The following ASTN2 variants were observed in gnomAD, a reference collection of about 807,000 sequenced individuals.
ASTN2 encodes astrotactin 2.
In ASTN2, 54 loss-of-function variants were observed where a neutral mutation model predicts 139.8. That is an observed-to-expected ratio of 0.39 (90% CI 0.31 to 0.48). The LOEUF is 0.48. Ranked by LOEUF, ASTN2 falls within the 20% of genes least tolerant of loss-of-function variation. ASTN2 has a pLI of 0.95. For synonymous variants in ASTN2, 756 were observed against 719.5 expected (o/e 1.05, Z -0.81); for missense variants, 1,565 against 1,725.1 (o/e 0.91, Z 1.64).
chr9:117,183,496 CG>C (rs1212125198), intron 3 of ASTN2, among the ~76,000 whole-genome samples: 3 of 152,156 alleles, frequency 2.0e-5, no homozygotes, highest in African/African-American at 7.2e-5. Flanking sequence ...TACAACAACT[CG>C]GGTATCCACA....
chr9:117,074,870 C>T (rs1241911887), intron 5 of ASTN2, among the ~76,000 whole-genome samples: 1 of 151,956 alleles, frequency 6.6e-6, no homozygotes, highest in East Asian at 1.9e-4. Context: ...TTTCCATTTC[C>T]TAAGTGAAGA....
chr9:116,945,192 C>T (rs1328935386), intron 10 of ASTN2, among the ~76,000 whole-genome samples: 1 of 152,142 alleles, frequency 6.6e-6, no homozygotes, highest in Non-Finnish European at 1.5e-5. Flanking sequence ...GTGAACTTTT[C>T]CAGAAGACCT....
chr9:116,671,904 G>A (rs1272558794), intron 16 of ASTN2, among the ~76,000 whole-genome samples: 3 of 152,120 alleles, frequency 2.0e-5, no homozygotes, highest in Non-Finnish European at 4.4e-5. Context: ...CTTGATTGCA[G>A]TTTTGTAAGA....
At chr9:116,627,664 C>T (rs548781879) in intron 17 of ASTN2, among the ~76,000 whole-genome samples, 1 of 152,282 alleles carries the variant, frequency 6.6e-6, no homozygotes, top group Non-Finnish European at 1.5e-5. Context: ...ATAGCCTGTT[C>T]AAGGTCACTC....
At chr9:116,491,423 T>C (rs1160897780) in intron 19 of ASTN2, among the ~76,000 whole-genome samples, 1 of 152,166 alleles carries the variant, frequency 6.6e-6, no homozygotes, top group Non-Finnish European at 1.5e-5. Context: ...TAGAGAAAGT[T>C]TGAAAATGAT....
At chr9:116,528,419 G>C (rs530700067) in intron 19 of ASTN2, among the ~76,000 whole-genome samples, 5 of 152,152 alleles carry the variant, frequency 3.3e-5, no homozygotes, top group African/African-American at 1.2e-4. Flanking sequence ...TTTTGAAAGT[G>C]TACAGTCATA....
At chr9:116,976,837 G>A (rs752128296) in intron 7 of ASTN2, 52 bp from the exon 8 acceptor site, 1 of 1,534,104 alleles carries the variant, frequency 6.5e-7, no homozygotes, top group Non-Finnish European at 9.0e-7. Flanking sequence ...CCCCAAATAG[G>A]CTTTTCTCTG....
chr9:116,987,478 C>T (rs561746197), intron 7 of ASTN2, among the ~76,000 whole-genome samples: 43 of 152,298 alleles, frequency 2.8e-4, no homozygotes, highest in African/African-American at 8.7e-4. Flanking sequence ...TCCTGATCTG[C>T]CATGTGAAGA....
At chr9:117,188,855 C>T (rs1354359664) in intron 3 of ASTN2, among the ~76,000 whole-genome samples, 8 of 152,084 alleles carry the variant, frequency 5.3e-5, no homozygotes, top group African/African-American at 1.4e-4. Flanking sequence ...GCCAGGTACC[C>T]GTGGGAATTA....
chr9:117,133,519 A>T (rs2184242), intron 4 of ASTN2, among the ~76,000 whole-genome samples: 2 of 152,302 alleles, frequency 1.3e-5, no homozygotes, highest in South Asian at 2.1e-4. Flanking sequence ...AGCCAGTTTG[A>T]TTAATTGTCC....
At chr9:116,909,982 C>T (rs1834267060) in intron 10 of ASTN2, among the ~76,000 whole-genome samples, 1 of 151,958 alleles carries the variant, frequency 6.6e-6, no homozygotes, top group Non-Finnish European at 1.5e-5. Flanking sequence ...AGAAAGAAGG[C>T]AAGGAATTGA....
intron 1 of ASTN2, among the ~76,000 whole-genome samples, chr9:117,370,474 G>C (rs140093377): frequency 9.9e-5 from 15 of 152,226 alleles, no homozygotes; most frequent in Admixed American, 5.2e-4. Flanking sequence ...TGTCATCCAT[G>C]TTCTAGCCTT....
intron 13 of ASTN2, among the ~76,000 whole-genome samples, chr9:116,783,214 C>G (rs991732605): frequency 6.6e-6 from 1 of 152,012 alleles, no homozygotes; most frequent in African/African-American, 2.4e-5. Context: ...ATGTATAAAA[C>G]AGTTCCTTTT....
chr9:116,961,342 A>G lies in ASTN2; in HGVS notation c.1889+13866T>C, dbSNP rs574585753. ...AGAAGTCTTCTCATCTTGCAAAATG[A>G]AATTCTATACCCATCAAACAATAAC... On this transcript the variant is annotated intron_variant, in intron 10 of 22. Transcript: ENST00000313400. Among the ~76,000 whole-genome samples the G allele has an allele frequency of 7.2e-5, 11 of 152,232 alleles. No homozygotes were observed. In the East Asian group the frequency reaches 9.7e-4, roughly 13 times the overall value.
At chr9:116,591,474 G>A (rs1854376847) in intron 19 of ASTN2, among the ~76,000 whole-genome samples, 1 of 152,202 alleles carries the variant, frequency 6.6e-6, no homozygotes, top group Non-Finnish European at 1.5e-5. Context: ...CATAAGCCAA[G>A]TGCAGCCTCA....
chr9:117,258,488 T>C (rs182364984), intron 2 of ASTN2, among the ~76,000 whole-genome samples: 187 of 152,110 alleles, frequency 1.2e-3, no homozygotes, highest in Middle Eastern at 6.8e-3. Context: ...GCAAAGGAGG[T>C]GGATAAAGTA....
intron 19 of ASTN2, among the ~76,000 whole-genome samples, chr9:116,551,290 A>C (rs1164427958): frequency 2.0e-5 from 3 of 152,118 alleles, no homozygotes; most frequent in Admixed American, 1.3e-4. Context: ...TCTAAATCTT[A>C]TCTCTCTCCT....
intron 13 of ASTN2, among the ~76,000 whole-genome samples, chr9:116,752,193 C>G (rs943479999): frequency 2.0e-5 from 3 of 152,120 alleles, no homozygotes; most frequent in Admixed American, 2.0e-4. Context: ...AATAGACCCA[C>G]GCAAATCTAG....
At chr9:116,499,789 G>C (rs979530897) in intron 19 of ASTN2, among the ~76,000 whole-genome samples, 14 of 152,126 alleles carry the variant, frequency 9.2e-5, no homozygotes, top group Admixed American at 2.6e-4. Context: ...AATCCCATGA[G>C]GCCACTGGGT....
Sources: allele counts gnomAD v4.1 joint callset (sites outside exome capture counted in the v4.1 genomes callset), GRCh38; gene constraint gnomAD v4.1.1; transcripts MANE v1.5; gene names NCBI Gene and HGNC (gene_info 2026-07-23, HGNC 2026-07-21).